Variants in SORCS1 observed in about 807,000 individuals in gnomAD.
The protein encoded by SORCS1 is VPS10 domain-containing receptor SorCS1.
A neutral mutation model predicts 146.1 loss-of-function variants in SORCS1; 60 were observed. The observed-to-expected ratio is 0.41, with a 90% CI of 0.33 to 0.51. SORCS1 has a LOEUF of 0.51. SORCS1 is among the 20% of genes least tolerant of loss of function. SORCS1 has a pLI of 0.21. For synonymous variants in SORCS1, 637 were observed against 584.0 expected, an observed-to-expected ratio of 1.09 and a Z score of -1.31; for missense variants, 1,352 against 1,487.6, an observed-to-expected ratio of 0.91 and a Z score of 1.50.
Position 106,751,104 on chromosome 10 carries a change from G to C in SORCS1, c.959+10484C>G, listed in dbSNP as rs574110708. 1.3e-3 allele frequency among the ~76,000 whole-genome samples: 173 copies of C among 135,574 alleles called. 15 individuals carry two copies. Among genetic ancestry groups the C allele is most frequent in the African/African-American group, 5.0e-3 (164 of 32,896 alleles). The allele number at this position is 135,574 out of a possible 152,430, so 88.9% of individuals were successfully genotyped here. On this transcript the variant is annotated intron_variant, in intron 5 of 25. Coordinates refer to ENST00000263054, the MANE Select transcript of SORCS1 (RefSeq NM_052918.5). ...AAAAAAAAAAAAAAAATGCGGAGGAGGTGCAAAAGCGTTAGCAAGCAGCAT... is the reference window on the plus strand; with the variant it reads ...AAAAAAAAAAAAAAAATGCGGAGGACGTGCAAAAGCGTTAGCAAGCAGCAT...
In SORCS1 at chr10:107,032,505, GA is replaced by G. The variant is rs745436261; in HGVS notation, c.559-75926del. Among the ~76,000 whole-genome samples the G allele has an allele frequency of 4.0e-4, 61 of 152,254 alleles. 1 individual carries two copies. The highest frequency in any genetic ancestry group is 3.4e-3 in the Middle Eastern group (1 of 294). On this transcript the variant is annotated intron_variant, in intron 1 of 25. Transcript: ENST00000263054. Reference sequence around the variant, plus strand: ...GAGTTTCTGTTTTCTGTTAGTTACAGAAACAGCTGCTGCCCCTCAATTCTAC... The same window carrying G: ...GAGTTTCTGTTTTCTGTTAGTTACAGAACAGCTGCTGCCCCTCAATTCTAC...
intron 20 of SORCS1, among the ~76,000 whole-genome samples, chr10:106,618,862 A>T (rs1268377082): frequency 6.6e-6 from 1 of 152,084 alleles, no homozygotes; most frequent in Non-Finnish European, 1.5e-5. Context: ...CACTAATTGG[A>T]TAGTGGTTTG....
intron 18 of SORCS1, among the ~76,000 whole-genome samples, chr10:106,630,705 G>A (rs993735414): frequency 1.3e-5 from 2 of 152,070 alleles, no homozygotes; most frequent in African/African-American, 4.8e-5. Flanking sequence ...TCTGTAAAAC[G>A]CTACATAAAA....
At chr10:106,915,064 G>T (rs1952348274) in intron 2 of SORCS1, among the ~76,000 whole-genome samples, 1 of 152,190 alleles carries the variant, frequency 6.6e-6, no homozygotes, top group African/African-American at 2.4e-5. Context: ...CACAGTGGTT[G>T]CTTATCTTCA....
At chr10:106,675,188 C>T in intron 13 of SORCS1, 32 bp from the exon 14 acceptor site, 1 of 1,494,904 alleles carries the variant, frequency 6.7e-7, no homozygotes, top group African/African-American at 1.4e-5. Context: ...GTCATCAGAT[C>T]TCCAAAGGAA....
At chr10:107,173,355 G>C in the SORCS1 span, among the ~76,000 whole-genome samples, 1 of 152,120 alleles carries the variant, frequency 6.6e-6, no homozygotes. Context: ...CTGGAAATGT[G>C]CTAAGAGAGT....
chr10:106,994,577 T>A (rs1956917892), intron 1 of SORCS1, among the ~76,000 whole-genome samples: 1 of 152,248 alleles, frequency 6.6e-6, no homozygotes, highest in Non-Finnish European at 1.5e-5. Flanking sequence ...CAATTTTGAT[T>A]TTAGCAGTTG....
intron 2 of SORCS1, among the ~76,000 whole-genome samples, chr10:106,848,068 TG>T (rs1949382215): frequency 9.3e-6 from 1 of 108,082 alleles, no homozygotes; most frequent in Non-Finnish European, 1.9e-5. Flanking sequence ...TCTGTTGATT[TG>T]GGGTGGAGAG....
At chr10:106,591,733 A>G (rs1845614581) in intron 24 of SORCS1, among the ~76,000 whole-genome samples, 1 of 152,196 alleles carries the variant, frequency 6.6e-6, no homozygotes. Context: ...CATCAACATC[A>G]GACAGATAAA....
At chr10:106,761,373 A>G (rs113293636) in intron 5 of SORCS1, among the ~76,000 whole-genome samples, 70 of 152,322 alleles carry the variant, frequency 4.6e-4, no homozygotes, top group African/African-American at 1.6e-3. Flanking sequence ...AATCCATTTG[A>G]GGTTTTTCAA....
At chr10:106,957,147 A>G in intron 1 of SORCS1, among the ~76,000 whole-genome samples, 1 of 145,184 alleles carries the variant, frequency 6.9e-6, no homozygotes, top group African/African-American at 2.6e-5. Context: ...CATATCTATT[A>G]GCATGTGGTT....
chr10:106,780,344 T>C (rs963664112), intron 3 of SORCS1, among the ~76,000 whole-genome samples: 2 of 152,264 alleles, frequency 1.3e-5, no homozygotes, highest in Non-Finnish European at 2.9e-5. Context: ...TGACTCTTCA[T>C]GTAACTTTGA....
intron 2 of SORCS1, among the ~76,000 whole-genome samples, chr10:106,864,170 G>A (rs1383484785): frequency 6.6e-6 from 1 of 152,330 alleles, no homozygotes; most frequent in East Asian, 1.9e-4. Flanking sequence ...AATGAAAGTA[G>A]TGAGTAAATA....
At chr10:107,118,080 A>C (rs1395985007) in intron 1 of SORCS1, among the ~76,000 whole-genome samples, 2 of 152,128 alleles carry the variant, frequency 1.3e-5, no homozygotes, top group African/African-American at 4.8e-5. Flanking sequence ...CCCCAGTGCA[A>C]TGATATTTAA....
intron 17 of SORCS1, among the ~76,000 whole-genome samples, chr10:106,655,301 T>C (rs1295586129): frequency 6.6e-6 from 1 of 152,142 alleles, no homozygotes; most frequent in African/African-American, 2.4e-5. Context: ...CCAGCAATAG[T>C]AGCAAAAAAA....
At chr10:106,854,482 T>C (rs1286791494) in intron 2 of SORCS1, among the ~76,000 whole-genome samples, 1 of 152,042 alleles carries the variant, frequency 6.6e-6, no homozygotes, top group Non-Finnish European at 1.5e-5. Flanking sequence ...TTATTGCCTA[T>C]CACATTTTTA....
chr10:106,688,600 T>C (rs893363421), intron 9 of SORCS1, among the ~76,000 whole-genome samples: 1 of 152,160 alleles, frequency 6.6e-6, no homozygotes, highest in Non-Finnish European at 1.5e-5. Flanking sequence ...TAACATAGGC[T>C]GACAGGAGCC....
At chr10:106,827,402 T>C (rs757121787) in intron 3 of SORCS1, among the ~76,000 whole-genome samples, 3 of 152,194 alleles carry the variant, frequency 2.0e-5, no homozygotes, top group African/African-American at 7.2e-5. Context: ...CTTAGATTTC[T>C]GAATCTTAGT....
At chr10:107,035,527 A>G (rs1958870172) in intron 1 of SORCS1, among the ~76,000 whole-genome samples, 1 of 152,178 alleles carries the variant, frequency 6.6e-6, no homozygotes, top group Non-Finnish European at 1.5e-5. Flanking sequence ...GTAACAAATT[A>G]AAAGTGAATC....
Sources: allele counts gnomAD v4.1 joint callset (sites outside exome capture counted in the v4.1 genomes callset), GRCh38; gene constraint gnomAD v4.1.1; transcripts MANE v1.5; gene names NCBI Gene and HGNC (gene_info 2026-07-23, HGNC 2026-07-21).